NOVA2: variants seen among roughly 807,000 people sequenced by gnomAD.
The protein encoded by NOVA2 is RNA-binding protein Nova-2.
NOVA2 carries 9 observed loss-of-function variants against 22.5 expected under a neutral mutation model. The observed-to-expected ratio is 0.40, with a 90% CI of 0.24 to 0.70. NOVA2 has a LOEUF of 0.70. NOVA2 is among the 30% of genes least tolerant of loss of function. The pLI, the probability that NOVA2 is intolerant of heterozygous loss-of-function variation, is 0.38. For synonymous variants in NOVA2, 318 were observed against 335.2 expected (o/e 0.95, Z 0.56); for missense variants, 383 against 682.8 (o/e 0.56, Z 4.89).
rs1197415755 is a variant in NOVA2 at position 45,973,452 on chromosome 19, TGCGGCG to T, written c.-107_-102del. 3 of 132,350 alleles carry T rather than the reference TGCGGCG, an allele frequency of 2.3e-5. No homozygotes were observed. The highest frequency in any genetic ancestry group is 4.4e-5 in the Non-Finnish European group (3 of 68,048). The allele number at this position is 132,350 out of a possible 1,614,324, so 8.2% of individuals were successfully genotyped here. A position where few individuals can be genotyped will look rare whatever the true frequency, so the allele number is the denominator to read the frequency against. On this transcript the variant is annotated 5_prime_UTR_variant, in exon 1 of 4. Coordinates refer to ENST00000263257, the MANE Select transcript of NOVA2 (RefSeq NM_002516.4). ...CGACGGCTGCTGGGGAGGCTGGGGT[TGCGGCG>T]GCGGCGGCGGCGGGGGCGGCGGCGG...
intron 1 of NOVA2, chr19:45,962,389 GA>G (rs1968108929): frequency 6.5e-6 from 1 of 152,768 alleles, no homozygotes; most frequent in East Asian, 1.9e-4. Flanking sequence ...CTGAGGCACA[GA>G]GGGGCACAGA....
intron 2 of NOVA2, among the ~76,000 whole-genome samples, chr19:45,960,664 C>T (rs1252412242): frequency 6.6e-6 from 1 of 152,064 alleles, no homozygotes. Context: ...TGGCTGGCCC[C>T]CAAGCCCGGA....
Position 45,937,855 on chromosome 19 carries a change from G to C in NOVA2, c.*2008C>G, listed in dbSNP as rs1967678730. The C allele has an allele frequency of 6.6e-6, 1 of 152,184 alleles. No individual in the cohort carries two copies. The highest frequency in any genetic ancestry group is 2.1e-4 in the South Asian group (1 of 4,826). 9.4% of individuals were successfully genotyped at this position (152,184 alleles called of 1,614,324 possible). A position where few individuals can be genotyped will look rare whatever the true frequency, so the allele number is the denominator to read the frequency against. On this transcript the variant is annotated 3_prime_UTR_variant, in exon 4 of 4. Coordinates refer to ENST00000263257, the MANE Select transcript of NOVA2 (RefSeq NM_002516.4). ...TAGGGATTTTCACATTTTGATTTGG[G>C]GGTGGCTCTCTAGCAAGGGAGAGGG...
At chr19:45,960,279 G>T (rs1344924221) in intron 2 of NOVA2, among the ~76,000 whole-genome samples, 1 of 151,730 alleles carries the variant, frequency 6.6e-6, no homozygotes, top group Non-Finnish European at 1.5e-5. Context: ...TTGAATGGAT[G>T]ATTGAACAGA....
chr19:45,973,231 C>T, intron 1 of NOVA2, 36 bp downstream of exon 1: 2 of 1,341,436 alleles, frequency 1.5e-6, no homozygotes, highest in Non-Finnish European at 2.0e-6. Context: ...AGGCCCCCTG[C>T]CCGCTCCCCC....
At chr19:45,956,456 CA>C (rs1968006896) in intron 2 of NOVA2, among the ~76,000 whole-genome samples, 1 of 137,744 alleles carries the variant, frequency 7.3e-6, no homozygotes, top group Non-Finnish European at 1.6e-5. Context: ...AAGCCTCAGG[CA>C]CCATTCTAAG....
At chr19:45,947,665 G>A (rs369115514) in intron 3 of NOVA2, among the ~76,000 whole-genome samples, 1 of 151,828 alleles carries the variant, frequency 6.6e-6, no homozygotes, top group Admixed American at 6.6e-5. Flanking sequence ...GTAGCGATGG[G>A]GTTTTAACAT....
intron 1 of NOVA2, among the ~76,000 whole-genome samples, chr19:45,962,111 T>C (rs543389053): frequency 6.6e-6 from 1 of 152,124 alleles, no homozygotes; most frequent in African/African-American, 2.4e-5. Flanking sequence ...CTGATGCCCA[T>C]GAGGGGAGCA....
At chr19:45,960,752 C>A (rs1352852229) in intron 2 of NOVA2, among the ~76,000 whole-genome samples, 6 of 152,136 alleles carry the variant, frequency 3.9e-5, no homozygotes, top group Admixed American at 1.3e-4. Context: ...TGGGAAAAGA[C>A]ACATCTGCCA....
At chr19:45,964,349 TGTGTGTGTG>T in intron 1 of NOVA2, among the ~76,000 whole-genome samples, 2 of 2,044 alleles carry the variant, frequency 9.8e-4, no homozygotes, top group Non-Finnish European at 1.8e-3. Context: ...CCGGCTAATT[TGTGTGTGTG>T]TGTGTGTGTG....
chr19:45,952,810 C>T (rs1474618278), intron 3 of NOVA2, among the ~76,000 whole-genome samples: 1 of 152,330 alleles, frequency 6.6e-6, no homozygotes, highest in African/African-American at 2.4e-5. Context: ...CTGCAGCTCT[C>T]CTCCAGGCTT....
At chr19:45,955,824 C>T (rs778117933) in intron 2 of NOVA2, among the ~76,000 whole-genome samples, 2 of 151,796 alleles carry the variant, frequency 1.3e-5, no homozygotes, top group African/African-American at 2.4e-5. Context: ...TGCTACTGCA[C>T]TCCAGCCTGG....
At position 45,936,470 on chromosome 19, in the gene NOVA2, A is replaced by G. The variant is rs986738704; in HGVS notation, c.*3393T>C. 8 of 151,580 alleles carry G rather than the reference A, an allele frequency of 5.3e-5. No individual in the cohort carries two copies. Among genetic ancestry groups the G allele is most frequent in the African/African-American group, 1.9e-4 (8 of 41,196 alleles). 9.4% of individuals were successfully genotyped at this position (151,580 alleles called of 1,614,324 possible). The stretch of plus-strand genomic sequence containing the variant: ...TGTCCACACTTTTGCAATGCCTCTT[A>G]GGGACCTCCTCAAAGAGAAATGGTC... On this transcript the variant is annotated 3_prime_UTR_variant, in exon 4 of 4. Transcript: ENST00000263257.
chr19:45,970,995 T>A (rs898505876), intron 1 of NOVA2, among the ~76,000 whole-genome samples: 6 of 151,928 alleles, frequency 3.9e-5, no homozygotes, highest in Non-Finnish European at 8.8e-5. Flanking sequence ...AGCACAGAGG[T>A]TACGTCCAGG....
At position 45,946,395 on chromosome 19, in the gene NOVA2, T is replaced by C. The variant is rs138117913; in HGVS notation, c.397-5450A>G. On this transcript the variant is annotated intron_variant, in intron 3 of 3. Coordinates refer to ENST00000263257, the MANE Select transcript of NOVA2 (RefSeq NM_002516.4). ...GCACGAATGTTGACTGAATCTCAGA[T>C]TGAAAAATCCTCTATAGCTATAAAA... Among the ~76,000 whole-genome samples the C allele has an allele frequency of 3.8e-3, 586 of 152,350 alleles. 1 individual carries two copies. The highest frequency in any genetic ancestry group is 0.013 in the African/African-American group (553 of 41,584).
intron 3 of NOVA2, among the ~76,000 whole-genome samples, chr19:45,949,992 C>T (rs1442140734): frequency 1.3e-5 from 2 of 151,844 alleles, no homozygotes; most frequent in African/African-American, 2.4e-5. Flanking sequence ...CCGCCCACCT[C>T]GGCTTCCCAA....
intron 2 of NOVA2, among the ~76,000 whole-genome samples, chr19:45,957,374 C>T (rs966115240): frequency 6.6e-6 from 1 of 152,044 alleles, no homozygotes; most frequent in African/African-American, 2.4e-5. Context: ...CCTGTCTCTA[C>T]TGAAAATACA....
rs547186166 is a variant in NOVA2 at position 45,971,990 on chromosome 19, C to T, written c.85+1277G>A. Among the ~76,000 whole-genome samples, 15 of 152,086 alleles carry T rather than the reference C, an allele frequency of 9.9e-5. No homozygotes were observed. The South Asian group carries it at 2.3e-3, about 23-fold the overall frequency. ...ACTGCCTTCCGTGGTGTCAAACATT[C>T]GGCAATCTCCAATACACACGGACAC... is the stretch of plus-strand genomic sequence containing the variant. On this transcript the variant is annotated intron_variant, in intron 1 of 3. Transcript: ENST00000263257.
chr19:45,969,808 C>T (rs937696403), intron 1 of NOVA2, among the ~76,000 whole-genome samples: 8 of 152,152 alleles, frequency 5.3e-5, no homozygotes, highest in African/African-American at 1.9e-4. Flanking sequence ...CCAAGTCTTC[C>T]TGCCCTTAGT....
Sources: gnomAD v4.1 joint callset for allele counts (sites outside exome capture counted in the v4.1 genomes callset) on GRCh38, gnomAD v4.1.1 for gene constraint, MANE v1.5 for transcripts, NCBI Gene and HGNC (gene_info 2026-07-23, HGNC 2026-07-21) for gene names.